PNLDC1: variants seen among roughly 807,000 people sequenced by gnomAD.
PNLDC1 encodes poly(A)-specific ribonuclease PNLDC1.
A neutral mutation model predicts 82.0 loss-of-function variants in PNLDC1; 70 were observed. That is an observed-to-expected ratio of 0.85 (90% CI 0.70 to 1.04). The LOEUF (loss-of-function observed/expected upper bound fraction) is 1.04. PNLDC1 is among the 50% of genes least tolerant of loss of function. The probability of loss-of-function intolerance (pLI) is 0.00; values close to 1 mark genes in which losing one functional copy is unlikely to be tolerated. For synonymous variants in PNLDC1, 280 were observed against 249.3 expected (o/e 1.12, Z -1.16); for missense variants, 631 against 661.1 (o/e 0.95, Z 0.50).
intron 18 of PNLDC1, 64 bp from the exon 19 acceptor site, chr6:159,820,390 C>A: frequency 6.6e-7 from 1 of 1,512,792 alleles, no homozygotes; most frequent in Non-Finnish European, 9.2e-7. Context: ...GAGGGGCAAG[C>A]CTGTGTCGGT....
chr6:159,803,180 C>T (rs1162796859), intron 3 of PNLDC1, 91 bp from the exon 4 acceptor site: 25 of 1,221,148 alleles, frequency 2.0e-5, no homozygotes, highest in Middle Eastern at 1.9e-4. Context: ...TATCTGTGGG[C>T]GCAAAGTACT....
Position 159,805,960 on chromosome 6 carries a change from C to G in PNLDC1, c.462-23C>G, listed in dbSNP as rs375932553. 37 of 1,570,798 alleles carry G rather than the reference C, an allele frequency of 2.4e-5. No homozygotes were observed. The African/African-American group carries it at 4.5e-4, about 19-fold the overall frequency. On this transcript the variant is annotated intron_variant, in intron 6 of 18. Coordinates refer to ENST00000392167, the MANE Select transcript of PNLDC1 (RefSeq NM_001271862.2). Reference sequence around the variant, plus strand: ...CTGAAGTGTTTTTCTCTGACATGTTCACTTTCATGCGCCCATTTTCAGCTC... The same window carrying G: ...CTGAAGTGTTTTTCTCTGACATGTTGACTTTCATGCGCCCATTTTCAGCTC...
chr6:159,808,646 T>C (rs1781537018), intron 7 of PNLDC1, 94 bp from the exon 8 acceptor site: 2 of 1,208,030 alleles, frequency 1.7e-6, no homozygotes, highest in Non-Finnish European at 2.4e-6. Flanking sequence ...CACTTGACCT[T>C]TCCATCTCAG....
At chr6:159,801,250 A>C (rs966807564) in intron 3 of PNLDC1, 64 bp downstream of exon 3, 1 of 1,423,930 alleles carries the variant, frequency 7.0e-7, no homozygotes, top group African/African-American at 1.4e-5. Flanking sequence ...TGGATTTCCT[A>C]CTGTAAAAAC....
chr6:159,813,697 T>C, intron 12 of PNLDC1, 41 bp downstream of exon 12: 2 of 1,581,880 alleles, frequency 1.3e-6, no homozygotes, highest in Non-Finnish European at 1.7e-6. Flanking sequence ...GGAGCGGCCT[T>C]GGTGGCCTCC....
intron 6 of PNLDC1, among the ~76,000 whole-genome samples, chr6:159,805,330 G>C (rs1781408842): frequency 6.6e-6 from 1 of 152,184 alleles, no homozygotes; most frequent in South Asian, 2.1e-4. Context: ...GTTTGAACAA[G>C]GTATGGAAGC....
Position 159,819,777 on chromosome 6 carries a change from G to A in PNLDC1, c.1532+425G>A, listed in dbSNP as rs1055423798. 2.0e-5 allele frequency among the ~76,000 whole-genome samples: 3 copies of A among 152,134 alleles called. No homozygotes were observed. The highest frequency in any genetic ancestry group is 1.3e-4 in the Admixed American group (2 of 15,272). ...AGTGAGCCAGGCGGAGGGGGCAGCA[G>A]GACGGAGCCTTCCAGTCAGGAGGTG... On this transcript the variant is annotated intron_variant, in intron 18 of 18. Coordinates refer to ENST00000392167, the MANE Select transcript of PNLDC1 (RefSeq NM_001271862.2). The surrounding 1 kb of genome is among the most constrained non-coding windows in gnomAD (Gnocchi z 4.6).
Position 159,804,098 on chromosome 6 carries a change from T to C in PNLDC1, c.372+10T>C. On this transcript the variant is annotated intron_variant, in intron 5 of 18. Coordinates refer to ENST00000392167, the MANE Select transcript of PNLDC1 (RefSeq NM_001271862.2). ...CTTCAACTATAACAAGGTATGGCAT[T>C]GGAGGAGGGGAACGGGAATGTCTTT... 1 of 1,612,022 alleles carries C rather than the reference T, an allele frequency of 6.2e-7. No homozygotes were observed.
In PNLDC1 at chr6:159,813,492, T is replaced by C. The variant is rs542325962; in HGVS notation, c.940-109T>C. 9.9e-6 allele frequency: 9 copies of C among 905,430 alleles called. No homozygotes were observed. The South Asian group carries it at 1.2e-4, about 13-fold the overall frequency. 56.1% of individuals were successfully genotyped at this position (905,430 alleles called of 1,614,324 possible). ...CCATTTGAAGAGAAAGAGGAGGTTG[T>C]AGGAGTGAGCATTTTCCAGGCCATT... On this transcript the variant is annotated intron_variant, in intron 11 of 18. Transcript: ENST00000392167.
chr6:159,803,614 G>A (rs1358946777), intron 4 of PNLDC1, among the ~76,000 whole-genome samples: 4 of 152,208 alleles, frequency 2.6e-5, no homozygotes, highest in African/African-American at 4.8e-5. Context: ...TGTAATGAAA[G>A]TGATGTTTAA....
At chr6:159,803,372 T>G (rs966969227) in intron 4 of PNLDC1, 62 bp downstream of exon 4, 7 of 1,505,726 alleles carry the variant, frequency 4.6e-6, no homozygotes, top group Non-Finnish European at 5.5e-6. Flanking sequence ...AGCTGCCACC[T>G]TCAAATTCTG....
At position 159,819,007 on chromosome 6, in the gene PNLDC1, G is replaced by A. The variant is rs764363267; in HGVS notation, c.1319G>A (p.Arg440Lys). The A allele has an allele frequency of 2.5e-6, 4 of 1,614,024 alleles. No homozygotes were observed. Among genetic ancestry groups the A allele is most frequent in the Non-Finnish European group, 3.4e-6 (4 of 1,180,006 alleles). ...CCCATCCTCATCCTCAGCGTCAAAA[G>A]GTGGCCTGGGGTCAGCGAGCAGCAA... ...RPPILILSVK[R>K]WPGVSEQQVY... Residue 440 changes from arginine (R) to lysine (K), a missense_variant, in exon 17 of 19, where the codon AGG becomes AAG. Transcript: ENST00000392167. This position sits in a 1 kb window ranked among gnomAD's most constrained non-coding sequence, Gnocchi z 4.6.
chr6:159,813,964 A>G (rs1290549584), intron 12 of PNLDC1, among the ~76,000 whole-genome samples: 1 of 152,054 alleles, frequency 6.6e-6, no homozygotes. Flanking sequence ...TTCCCTGTGC[A>G]AGGCCAGGCA....
At chr6:159,816,786 C>T (rs1781849322) in intron 14 of PNLDC1, among the ~76,000 whole-genome samples, 190 bp downstream of exon 14, 1 of 152,062 alleles carries the variant, frequency 6.6e-6, no homozygotes, top group East Asian at 1.9e-4. Context: ...GTGCATGCCA[C>T]CATGCCTGGC....
intron 11 of PNLDC1, among the ~76,000 whole-genome samples, chr6:159,812,217 A>G (rs1781670778): frequency 6.6e-6 from 1 of 152,014 alleles, no homozygotes; most frequent in African/African-American, 2.4e-5. Flanking sequence ...TGTGTTTTTT[A>G]AAGTTGTTCC....
intron 7 of PNLDC1, among the ~76,000 whole-genome samples, chr6:159,807,821 T>C (rs956473437): frequency 1.3e-5 from 2 of 152,264 alleles, no homozygotes; most frequent in Admixed American, 1.3e-4. Flanking sequence ...TTGTTGAGTT[T>C]GGTACAGTTT....
At position 159,804,493 on chromosome 6, in the gene PNLDC1, G is replaced by C. The variant is rs545030563; in HGVS notation, c.373-56G>C. On this transcript the variant is annotated intron_variant, in intron 5 of 18. Transcript: ENST00000392167. ...ACCTGTCCTCGTGAAATCAGGCACA[G>C]AGGATCCCTCTGACTTGTCTCCTTG... is the stretch of plus-strand genomic sequence containing the variant. 5.7e-6 allele frequency: 7 copies of C among 1,218,280 alleles called. No individual in the cohort carries two copies. In the East Asian group the frequency reaches 1.6e-4, roughly 29 times the overall value. The allele number at this position is 1,218,280 out of a possible 1,614,324, so 75.5% of individuals were successfully genotyped here.
intron 13 of PNLDC1, 84 bp downstream of exon 13, chr6:159,816,117 C>CCCACGCCCCTCCCCACCCACCCG (rs1781807020): frequency 1.9e-6 from 2 of 1,028,544 alleles, no homozygotes; most frequent in African/African-American, 1.9e-5. Context: ...CCCTGGTTCC[C>CCCACGCCCCTCCCCACCCACCCG]CCACACCCCT....
intron 10 of PNLDC1, 34 bp downstream of exon 10, chr6:159,810,129 G>A (rs758489250): frequency 6.9e-6 from 11 of 1,583,284 alleles, no homozygotes; most frequent in South Asian, 4.4e-5. Flanking sequence ...CTTCCTTCAC[G>A]CTAGTTTGCC....
Sources: allele counts gnomAD v4.1 joint callset (sites outside exome capture counted in the v4.1 genomes callset), GRCh38; gene constraint gnomAD v4.1.1; non-coding constraint Gnocchi (gnomAD v3.1); transcripts MANE v1.5; gene names NCBI Gene and HGNC (gene_info 2026-07-23, HGNC 2026-07-21).